AP1G2: variants seen among roughly 807,000 people sequenced by gnomAD.
AP1G2 encodes AP-1 complex subunit gamma-like 2.
In AP1G2, 85 loss-of-function variants were observed where a neutral mutation model predicts 95.8. The ratio of observed to expected loss-of-function variants is 0.89; its 90% CI spans 0.74 to 1.06. The LOEUF is 1.06. AP1G2 is among the 50% of genes least tolerant of loss of function. The pLI is 0.00. For synonymous variants in AP1G2, 378 were observed against 400.0 expected (o/e 0.94, Z 0.66); for missense variants, 967 against 1,005.8 (o/e 0.96, Z 0.52).
At position 23,561,311 on chromosome 14, in the gene AP1G2, CA is replaced by C. The variant is rs778473707; in HGVS notation, c.1977del (p.Cys659TrpfsTer22). ...TTAGGCTTACCTGGGGGTGGAGGTA[CA>C]CAGGGAAGGTCAAGCAGGTGTACCA... ...GALVHLLDLP[C>X]VPPPPAPIPD... On this transcript the variant is annotated frameshift_variant, in exon 19 of 22. Transcript: ENST00000397120. LOFTEE classifies it high-confidence loss of function. 1.9e-6 allele frequency: 3 copies of C among 1,544,694 alleles called. No homozygotes were observed. In the South Asian group the frequency reaches 3.8e-5, roughly 19 times the overall value.
chr14:23,561,220 A>G (rs1884438103), intron 19 of AP1G2, 76 bp downstream of exon 19: 4 of 1,494,912 alleles, frequency 2.7e-6, no homozygotes, highest in Non-Finnish European at 3.6e-6. Flanking sequence ...CATGAGCCTC[A>G]GCCCTTGGCT....
chr14:23,561,056 A>T (rs1884302268), intron 19 of AP1G2: 10 of 1,227,798 alleles, frequency 8.1e-6, no homozygotes, highest in Non-Finnish European at 1.0e-5. Context: ...GGGTAGTGGG[A>T]AAGTGGTATA....
intron 14 of AP1G2, 50 bp from the exon 15 acceptor site, chr14:23,562,643 C>A: frequency 1.9e-6 from 3 of 1,581,626 alleles, no homozygotes; most frequent in Non-Finnish European, 1.7e-6. Context: ...TGGCTCAAGC[C>A]TGTAATCCCA....
Position 23,565,639 on chromosome 14 carries a change from G to A in AP1G2, c.708C>T (p.His236=). 2 of 1,614,158 alleles carry A rather than the reference G, an allele frequency of 1.2e-6. No homozygotes were observed. Among genetic ancestry groups the A allele is most frequent in the South Asian group, 1.1e-5 (1 of 91,086 alleles). ...AGGGGTCGCTGACTCCAGATATGCT[G>A]TGTTCTGTGGAGTATCCCATTGTCA... ...TLVTMGYSTE[H]SISGVSDPFL... The change falls in exon 7 of 22, where the codon CAC becomes CAT. Residue 236 remains histidine (H), a synonymous_variant. Transcript: ENST00000397120.
Position 23,564,157 on chromosome 14 carries a change from T to C in AP1G2, c.980A>G (p.Tyr327Cys). The change falls in exon 11 of 22, where the codon TAT (tyrosine) becomes TGT (cysteine). Residue 327 changes from tyrosine (Y) to cysteine (C), a missense_variant and splice_region_variant. Coordinates refer to ENST00000397120, the MANE Select transcript of AP1G2 (RefSeq NM_003917.5). ...FLLNSDRNIR[Y>C]VALTSLLRLV... ...TCGAAGCAGTGATGTCAGGGCTACATACCTGGTCAGGATGGGGGAGGTTCT... is the reference window on the plus strand; with the variant it reads ...TCGAAGCAGTGATGTCAGGGCTACACACCTGGTCAGGATGGGGGAGGTTCT... 6.2e-7 allele frequency: 1 copy of C among 1,613,938 alleles called. No homozygotes were observed. Among genetic ancestry groups the C allele is most frequent in the Non-Finnish European group, 8.5e-7 (1 of 1,179,916 alleles).
rs1256745963 is a variant in AP1G2, at chr14:23,567,776, C to A, written c.-43G>T. 4 of 1,002,664 alleles carry A rather than the reference C, an allele frequency of 4.0e-6. No individual in the cohort carries two copies. The highest frequency in any genetic ancestry group is 4.8e-6 in the Non-Finnish European group (4 of 840,818). The allele number at this position is 1,002,664 out of a possible 1,614,324, so 62.1% of individuals were successfully genotyped here. On this transcript the variant is annotated 5_prime_UTR_variant, in exon 1 of 22. Transcript: ENST00000397120. The surrounding 1 kb of genome is among the most constrained non-coding windows in gnomAD (Gnocchi z 5.3). The stretch of plus-strand genomic sequence containing the variant: ...TCAACTCCGCTCCTCTGCCCCCCAG[C>A]GCTTCCTGGTACGGGGCCGAGCAGG...
intron 8 of AP1G2, 29 bp downstream of exon 8, chr14:23,565,090 C>A (rs748207746): frequency 1.2e-6 from 2 of 1,612,330 alleles, no homozygotes; most frequent in Non-Finnish European, 1.7e-6. Context: ...CCAAGCAACA[C>A]AGCTAACCAG....
intron 14 of AP1G2, 111 bp from the exon 15 acceptor site, chr14:23,562,704 AC>A: frequency 9.5e-7 from 1 of 1,053,152 alleles, no homozygotes; most frequent in Non-Finnish European, 1.4e-6. Context: ...GGAGTTCAAG[AC>A]CAGCCTGGGC....
At chr14:23,563,929 C>T (rs1370307917) in intron 11 of AP1G2, 73 bp from the exon 12 acceptor site, 1 of 1,599,460 alleles carries the variant, frequency 6.3e-7, no homozygotes, top group Non-Finnish European at 8.5e-7. Flanking sequence ...CTCTGCTTCC[C>T]CAGGGACCTG....
In AP1G2 at chr14:23,566,415, G is replaced by A; in HGVS notation, c.334C>T (p.Leu112=). 6.2e-7 allele frequency: 1 copy of A among 1,613,650 alleles called. No homozygotes were observed. Among genetic ancestry groups the A allele is most frequent in the Non-Finnish European group, 8.5e-7 (1 of 1,179,778 alleles). ...LLITNSIKND[L]SQGIQPVQGL... ...TGTACTGGCTGAATCCCCTGGCTCAGGTCACTGCAGGGTTTGGGAGGACGG... is the reference window on the plus strand; with the variant it reads ...TGTACTGGCTGAATCCCCTGGCTCAAGTCACTGCAGGGTTTGGGAGGACGG... The change falls in exon 4 of 22, where the codon CTG becomes TTG. Residue 112 remains leucine, a synonymous_variant. Transcript: ENST00000397120.
At position 23,563,639 on chromosome 14, in the gene AP1G2, C is replaced by A; in HGVS notation, c.1233-1G>T. On this transcript the variant is annotated splice_acceptor_variant, in intron 12 of 21. Transcript: ENST00000397120. LOFTEE classifies it high-confidence loss of function. The stretch of plus-strand genomic sequence containing the variant: ...GTGCCAGCGTTTGGTTGGAGCAAAC[C>A]TAGGGGATATATGGCTCATCAGTCC... 6.2e-7 allele frequency: 1 copy of A among 1,614,152 alleles called. No homozygotes were observed. The highest frequency in any genetic ancestry group is 8.5e-7 in the Non-Finnish European group (1 of 1,180,020).
chr14:23,561,633 G>T lies in AP1G2; in HGVS notation c.1736C>A (p.Ala579Asp). ...AAGAGGCATTTTTTCCAGGATGGCA[G>T]CCCTGAGAGGATGGAATGCAAGTGT... is the stretch of plus-strand genomic sequence containing the variant. ...TLFRKYDHMR[A>D]AILEKMPLVE... The change falls in exon 18 of 22, where the codon GCT (alanine) becomes GAT (aspartate). Residue 579 changes from alanine to aspartate, a missense_variant and splice_region_variant. Physicochemically the swap from Ala to Asp is moderately radical, Grantham distance 126. Transcript: ENST00000397120. 6.2e-7 allele frequency: 1 copy of T among 1,613,714 alleles called. No homozygotes were observed. The highest frequency in any genetic ancestry group is 8.5e-7 in the Non-Finnish European group (1 of 1,179,966).
At position 23,561,398 on chromosome 14, in the gene AP1G2, C is replaced by A; in HGVS notation, c.1891G>T (p.Asp631Tyr). The change falls in exon 19 of 22, where the codon GAT becomes TAT. Residue 631 changes from aspartate (D) to tyrosine (Y), a missense_variant. Transcript: ENST00000397120. ...SQLLDLLDLL[D>Y]GASGDVQHPP... ...TGCTGGACATCCCCAGAAGCCCCAT[C>A]CAGGAGATCTAGCAGATCCAGGAGC... The A allele has an allele frequency of 6.2e-7, 1 of 1,606,200 alleles. No homozygotes were observed.
rs1883466067 is a variant in AP1G2, at chr14:23,560,144, A to C, written c.2158-108T>G. The C allele has an allele frequency of 2.0e-6, 3 of 1,473,038 alleles. No individual in the cohort carries two copies. In the South Asian group the frequency reaches 3.6e-5, roughly 18 times the overall value. The allele number at this position is 1,473,038 out of a possible 1,614,324, so 91.2% of individuals were successfully genotyped here. A position where few individuals can be genotyped will look rare whatever the true frequency, so the allele number is the denominator to read the frequency against. ...TTTTCCTGTAACTCCCCAAGTGCTG[A>C]TCTCCAGATGACTCAATCCCATCTC... On this transcript the variant is annotated intron_variant, in intron 20 of 21. Coordinates refer to ENST00000397120, the MANE Select transcript of AP1G2 (RefSeq NM_003917.5).
In AP1G2 at chr14:23,565,186, C is replaced by A; in HGVS notation, c.755G>T (p.Arg252Leu). Reference protein sequence around the residue: ...SDPFLQVQILRLLRILGRNHE... With the variant: ...SDPFLQVQILLLLRILGRNHE... The stretch of plus-strand genomic sequence containing the variant: ...GTTCCGGCCCAGGATCCGAAGCAGA[C>A]GAAGTATCTGGACCTGAGGTTGGGT... The change falls in exon 8 of 22, where the codon CGT becomes CTT. Residue 252 changes from arginine (R) to leucine (L), a missense_variant. Physicochemically the swap from Arg to Leu is moderately radical, Grantham distance 102. Coordinates refer to ENST00000397120, the MANE Select transcript of AP1G2 (RefSeq NM_003917.5). 6.2e-7 allele frequency: 1 copy of A among 1,614,134 alleles called. No homozygotes were observed. The highest frequency in any genetic ancestry group is 8.5e-7 in the Non-Finnish European group (1 of 1,180,002).
In AP1G2 at chr14:23,567,470, C is replaced by A; in HGVS notation, c.-5-151G>T. 1 of 1,397,440 alleles carries A rather than the reference C, an allele frequency of 7.2e-7. No individual in the cohort carries two copies. The highest frequency in any genetic ancestry group is 9.2e-7 in the Non-Finnish European group (1 of 1,083,566). The allele number at this position is 1,397,440 out of a possible 1,614,324, so 86.6% of individuals were successfully genotyped here. On this transcript the variant is annotated intron_variant, in intron 1 of 21. Transcript: ENST00000397120. The surrounding 1 kb of genome is among the most constrained non-coding windows in gnomAD (Gnocchi z 5.3). ...TTTTACCTTTCCCGAAGTGGGTCTC[C>A]AAATTCCGCGCCCACCCCACCGCCC...
intron 15 of AP1G2, 26 bp downstream of exon 15, chr14:23,562,478 T>C: frequency 6.2e-7 from 1 of 1,609,986 alleles, no homozygotes; most frequent in Non-Finnish European, 8.5e-7. Context: ...AAGTCCCTCC[T>C]CAGTGTACCC....
In AP1G2 at chr14:23,563,783, AG is replaced by A; in HGVS notation, c.1164del (p.Leu390TrpfsTer31). On this transcript the variant is annotated frameshift_variant, in exon 12 of 22. Coordinates refer to ENST00000397120, the MANE Select transcript of AP1G2 (RefSeq NM_003917.5). LOFTEE classifies it high-confidence loss of function. ...NVRAMMQELQ[A>X]FLESCPPDLR... ...AGGTCAGGAGGGCAGGACTCCAGAA[AG>A]GCCTGCAGCTCTTGCATCATGGCTC... 2 of 1,614,170 alleles carry A rather than the reference AG, an allele frequency of 1.2e-6. No homozygotes were observed. Among genetic ancestry groups the A allele is most frequent in the Non-Finnish European group, 1.7e-6 (2 of 1,180,008 alleles).
chr14:23,562,735 C>CA (rs34293315), intron 14 of AP1G2, 142 bp from the exon 15 acceptor site: 6 of 734,066 alleles, frequency 8.2e-6, no homozygotes, highest in African/African-American at 3.6e-5. Flanking sequence ...AGACCCCCCC[C>CA]ATCTCTATTT....
Sources: allele counts gnomAD v4.1 joint callset, GRCh38; gene constraint gnomAD v4.1.1; non-coding constraint Gnocchi (gnomAD v3.1); transcripts MANE v1.5; gene names NCBI Gene and HGNC (gene_info 2026-07-23, HGNC 2026-07-21).